The following ZRANB3 variants were observed in gnomAD, a reference collection of about 807,000 sequenced individuals.
The protein encoded by ZRANB3 is zinc finger RANBP2-type containing 3.
In ZRANB3, 125 loss-of-function variants were observed where a neutral mutation model predicts 133.8. That is an observed-to-expected ratio of 0.93 (90% CI 0.81 to 1.08). The LOEUF is 1.08. Ranked by LOEUF, ZRANB3 falls within the 50% of genes least tolerant of loss-of-function variation. The pLI is 0.00. For synonymous variants in ZRANB3, 387 were observed against 432.7 expected, an observed-to-expected ratio of 0.89 and a Z score of 1.31; for missense variants, 1,229 against 1,275.5, an observed-to-expected ratio of 0.96 and a Z score of 0.56.
chr2:135,524,277 T>C (rs1164900592), intron 1 of ZRANB3, among the ~76,000 whole-genome samples: 1 of 152,148 alleles, frequency 6.6e-6, no homozygotes, highest in Non-Finnish European at 1.5e-5. Context: ...AGACGGGGTT[T>C]CACCATTTTA....
Position 135,315,513 on chromosome 2 carries a change from G to A in ZRANB3, c.695C>T (p.Pro232Leu), listed in dbSNP as rs753636569. The A allele has an allele frequency of 1.3e-6, 2 of 1,530,950 alleles. No individual in the cohort carries two copies. Among genetic ancestry groups the A allele is most frequent in the Non-Finnish European group, 1.7e-6 (2 of 1,144,964 alleles). The allele number at this position is 1,530,950 out of a possible 1,614,324, so 94.8% of individuals were successfully genotyped here. ...NAHIRYFGKR[P>L]QWDCRGASNL... is the part of the protein sequence containing the mutation. ...TGATGCCCCTCTACAATCCCACTGAGGTCTTTTACCAAAATATCTGTTAAA... is the reference window on the plus strand; with the variant it reads ...TGATGCCCCTCTACAATCCCACTGAAGTCTTTTACCAAAATATCTGTTAAA... The change falls in exon 7 of 21, where the codon CCT becomes CTT. Residue 232 changes from proline (P) to leucine (L), a missense_variant. Physicochemically the swap from Pro to Leu is moderately conservative, Grantham distance 98. Coordinates refer to ENST00000264159, the MANE Select transcript of ZRANB3 (RefSeq NM_032143.4).
chr2:135,397,307 G>A (rs976155300), intron 2 of ZRANB3, among the ~76,000 whole-genome samples: 1 of 151,894 alleles, frequency 6.6e-6, no homozygotes, highest in Non-Finnish European at 1.5e-5. Context: ...AACTAGGCAG[G>A]TGTGGTGGTG....
intron 2 of ZRANB3, among the ~76,000 whole-genome samples, chr2:135,401,374 T>G (rs1687722636): frequency 6.6e-6 from 1 of 152,218 alleles, no homozygotes; most frequent in Non-Finnish European, 1.5e-5. Context: ...TGAAGATGGC[T>G]ATAGTGCTTC....
chr2:135,527,782 A>G (rs904344673), intron 1 of ZRANB3, among the ~76,000 whole-genome samples: 1 of 152,250 alleles, frequency 6.6e-6, no homozygotes, highest in Non-Finnish European at 1.5e-5. Flanking sequence ...GCAAAGCATT[A>G]TATCATTAAA....
At chr2:135,420,916 A>AGGAAAATATAATGCTGTTTACTTTTCTAT in intron 2 of ZRANB3, among the ~76,000 whole-genome samples, 1 of 152,312 alleles carries the variant, frequency 6.6e-6, no homozygotes, top group East Asian at 1.9e-4. Context: ...AATGATTCTC[A>AGGAAAATATAATGCTGTTTACTTTTCTAT]GGAAAATATA....
At position 135,518,390 on chromosome 2, in the gene ZRANB3, G is replaced by T. The variant is rs1019402107; in HGVS notation, c.-8+12737C>A. On this transcript the variant is annotated intron_variant, in intron 1 of 20. Transcript: ENST00000264159. ...GAAACCCAGGGCCCTGGTGGTGTAGGTACCCTAGGGAATCTCCTGGTCTGT... is the reference window on the plus strand; with the variant it reads ...GAAACCCAGGGCCCTGGTGGTGTAGTTACCCTAGGGAATCTCCTGGTCTGT... Among the ~76,000 whole-genome samples, 7 of 152,154 alleles carry T rather than the reference G, an allele frequency of 4.6e-5. No individual in the cohort carries two copies. The South Asian group carries it at 1.2e-3, about 27-fold the overall frequency.
intron 17 of ZRANB3, among the ~76,000 whole-genome samples, chr2:135,213,978 C>T (rs1694205319): frequency 6.6e-6 from 1 of 151,990 alleles, no homozygotes; most frequent in Non-Finnish European, 1.5e-5. Flanking sequence ...GATGGTCCAG[C>T]CGACAGCCAG....
intron 2 of ZRANB3, among the ~76,000 whole-genome samples, chr2:135,420,750 A>C (rs1273812900): frequency 6.6e-6 from 1 of 152,110 alleles, no homozygotes. Context: ...TCTTTTGGAG[A>C]GTTTTCTTGT....
At chr2:135,511,929 C>T (rs1693479507) in intron 1 of ZRANB3, 2 of 757,180 alleles carry the variant, frequency 2.6e-6, no homozygotes, top group East Asian at 5.0e-5. Context: ...GGGGACTAGC[C>T]TTCTCCATCA....
chr2:135,416,800 C>T (rs927152802), intron 2 of ZRANB3, among the ~76,000 whole-genome samples: 113 of 152,216 alleles, frequency 7.4e-4, no homozygotes, highest in Middle Eastern at 6.8e-3. Context: ...TCAGAAATAA[C>T]GCCACATATC....
chr2:135,361,908 T>C (rs995108062), intron 3 of ZRANB3, among the ~76,000 whole-genome samples: 1 of 152,056 alleles, frequency 6.6e-6, no homozygotes, highest in African/African-American at 2.4e-5. Context: ...CTTAGAATTG[T>C]GTGTGTACGG....
chr2:135,410,857 A>G (rs148493168), intron 2 of ZRANB3, among the ~76,000 whole-genome samples: 28 of 152,306 alleles, frequency 1.8e-4, no homozygotes, highest in Non-Finnish European at 3.4e-4. Flanking sequence ...ACATGAAAAA[A>G]TGCTCAACAT....
intron 11 of ZRANB3, among the ~76,000 whole-genome samples, chr2:135,267,447 T>C (rs1680303612): frequency 6.6e-6 from 1 of 151,856 alleles, no homozygotes; most frequent in African/African-American, 2.4e-5. Context: ...GACCCAATCA[T>C]TTTTTTTCTT....
chr2:135,272,413 G>GTTTTTTTTTTTTTTTTTTT (rs1558877433), intron 9 of ZRANB3, among the ~76,000 whole-genome samples: 1 of 109,908 alleles, frequency 9.1e-6, no homozygotes, highest in African/African-American at 5.7e-5. Context: ...GGAAAATAGA[G>GTTTTTTTTTTTTTTTTTTT]CTTTTTTTTT....
At position 135,445,049 on chromosome 2, in the gene ZRANB3, A is replaced by G. The variant is rs187500408; in HGVS notation, c.162-54229T>C. Among the ~76,000 whole-genome samples, 21 of 152,296 alleles carry G rather than the reference A, an allele frequency of 1.4e-4. No homozygotes were observed. The East Asian group carries it at 3.9e-3, about 28-fold the overall frequency. The stretch of plus-strand genomic sequence containing the variant: ...AAAATGGAAGCAACAAATACACATA[A>G]TTATTACATGGAATTTTGCAGTAAA... On this transcript the variant is annotated intron_variant, in intron 2 of 20. Coordinates refer to ENST00000264159, the MANE Select transcript of ZRANB3 (RefSeq NM_032143.4).
At chr2:135,474,653 C>G (rs1691425446) in intron 2 of ZRANB3, among the ~76,000 whole-genome samples, 1 of 152,186 alleles carries the variant, frequency 6.6e-6, no homozygotes, top group African/African-American at 2.4e-5. Context: ...CATGCTAGTA[C>G]AGCCTGCAGA....
intron 2 of ZRANB3, among the ~76,000 whole-genome samples, chr2:135,420,716 A>T (rs1407468192): frequency 2.0e-5 from 3 of 152,154 alleles, no homozygotes; most frequent in Admixed American, 6.5e-5. Context: ...GCACCTCATT[A>T]AATTCTCGGA....
intron 8 of ZRANB3, among the ~76,000 whole-genome samples, chr2:135,300,258 A>G (rs907475489): frequency 2.0e-5 from 3 of 152,354 alleles, no homozygotes; most frequent in South Asian, 4.1e-4. Flanking sequence ...ATAATTAAGT[A>G]TATGCCCTTA....
intron 2 of ZRANB3, among the ~76,000 whole-genome samples, chr2:135,426,185 A>C (rs1689057471): frequency 1.3e-5 from 2 of 152,142 alleles, no homozygotes; most frequent in Non-Finnish European, 2.9e-5. Flanking sequence ...AAACTGATTC[A>C]GTAATAAAAA....
Sources: allele counts gnomAD v4.1 joint callset (sites outside exome capture counted in the v4.1 genomes callset), GRCh38; gene constraint gnomAD v4.1.1; transcripts MANE v1.5; gene names NCBI Gene and HGNC (gene_info 2026-07-23, HGNC 2026-07-21).